AKAP11: variants seen among roughly 807,000 people sequenced by gnomAD.
AKAP11 encodes the protein A-kinase anchoring protein 11.
A neutral mutation model predicts 146.1 loss-of-function variants in AKAP11; 36 were observed. That is an observed-to-expected ratio of 0.25 (90% CI 0.19 to 0.33). The LOEUF is 0.33. Among genes scored for constraint, AKAP11 ranks in the 10% least tolerant of loss-of-function variants. AKAP11 has a pLI of 1.00. For missense variants in AKAP11, 2,201 were observed against 2,197.0 expected (o/e 1.00, Z -0.04); for synonymous variants, 780 against 786.5 (o/e 0.99, Z 0.14).
chr13:42,279,262 C>CT (rs1210347367), intron 1 of AKAP11, among the ~76,000 whole-genome samples: 1 of 114,346 alleles, frequency 8.7e-6, no homozygotes, highest in African/African-American at 3.3e-5. Flanking sequence ...CACGTGCACA[C>CT]CCACACACAC....
At chr13:42,278,994 C>T (rs1203390485) in intron 1 of AKAP11, among the ~76,000 whole-genome samples, 4 of 150,256 alleles carry the variant, frequency 2.7e-5, no homozygotes, top group Non-Finnish European at 1.5e-5. Flanking sequence ...TTTTCCGGTT[C>T]ATATAGATGT....
chr13:42,299,340 A>G, intron 7 of AKAP11, 23 bp from the exon 8 acceptor site: 3 of 1,560,712 alleles, frequency 1.9e-6, no homozygotes, highest in Non-Finnish European at 2.6e-6. Flanking sequence ...AAATAATTTC[A>G]CCATTTCATT....
chr13:42,289,824 G>A (rs528519451), intron 3 of AKAP11, among the ~76,000 whole-genome samples: 5 of 151,614 alleles, frequency 3.3e-5, no homozygotes, highest in East Asian at 3.9e-4. Context: ...GAAAATCCCC[G>A]TTTATTAAGG....
chr13:42,313,796 T>C, intron 10 of AKAP11, 98 bp from the exon 11 acceptor site: 1 of 998,094 alleles, frequency 1.0e-6, no homozygotes, highest in Admixed American at 2.1e-5. Flanking sequence ...ATATGTCATA[T>C]TGTAACATTC....
At position 42,282,003 on chromosome 13, in the gene AKAP11, CTG is replaced by C. The variant is rs1234527683; in HGVS notation, c.-99-3980_-99-3979del. On this transcript the variant is annotated intron_variant, in intron 1 of 12. Coordinates refer to ENST00000025301, the MANE Select transcript of AKAP11 (RefSeq NM_016248.4). ...TTCTTTTTTTTTTTTTTTTGAGACTCTGTGGCCCAGGTTGGAGTGCAGTGGTA... is the reference window on the plus strand; with the variant it reads ...TTCTTTTTTTTTTTTTTTTGAGACTCTGGCCCAGGTTGGAGTGCAGTGGTA... Among the ~76,000 whole-genome samples, 10 of 142,892 alleles carry C rather than the reference CTG, an allele frequency of 7.0e-5. No homozygotes were observed. The East Asian group carries it at 1.4e-3, about 20-fold the overall frequency. 93.7% of individuals were successfully genotyped at this position (142,892 alleles called of 152,430 possible). A position where few individuals can be genotyped will look rare whatever the true frequency, so the allele number is the denominator to read the frequency against.
chr13:42,295,831 T>A, intron 5 of AKAP11, 89 bp downstream of exon 5: 1 of 1,229,748 alleles, frequency 8.1e-7, no homozygotes, highest in Non-Finnish European at 1.2e-6. Context: ...TCTGAGAAGG[T>A]TGCAAACCGC....
At position 42,302,993 on chromosome 13, in the gene AKAP11, A is replaced by C; in HGVS notation, c.4247A>C (p.Glu1416Ala). 2 of 1,613,738 alleles carry C rather than the reference A, an allele frequency of 1.2e-6. No individual in the cohort carries two copies. Among genetic ancestry groups the C allele is most frequent in the Non-Finnish European group, 1.7e-6 (2 of 1,180,000 alleles). ...NKELLMFSNK[E>A]HHQEADKKRQ... ...GAACTGTTAATGTTTTCAAACAAAG[A>C]GCACCACCAAGAAGCAGACAAAAAG... The change falls in exon 8 of 13, where the codon GAG (glutamate) becomes GCG (alanine). Residue 1416 changes from glutamate (E) to alanine (A), a missense_variant. This residue lies in a region of AKAP11 where 1,867 missense variants were observed against 1,833.5 expected (regional missense o/e 1.02). Transcript: ENST00000025301.
chr13:42,299,917 C>T lies in AKAP11; in HGVS notation c.1171C>T (p.His391Tyr). ...GTCATCGCAGAGGAAAGGGCACAAA[C>T]ATGGAAAGTCATGTATGAATCCTCA... ...GKSSQRKGHKHGKSCMNPQKF... is the reference protein window; with the variant it reads ...GKSSQRKGHKYGKSCMNPQKF... Residue 391 changes from histidine to tyrosine, a missense_variant, in exon 8 of 13, where the codon CAT becomes TAT. His to Tyr is a moderately conservative substitution (Grantham distance 83). Around this residue, in one of 3 missense-constraint regions of AKAP11, gnomAD observed 1,867 missense variants for 1,833.5 expected, o/e 1.02. Coordinates refer to ENST00000025301, the MANE Select transcript of AKAP11 (RefSeq NM_016248.4). 1 of 1,613,926 alleles carries T rather than the reference C, an allele frequency of 6.2e-7. No homozygotes were observed. The highest frequency in any genetic ancestry group is 8.5e-7 in the Non-Finnish European group (1 of 1,179,868).
chr13:42,285,003 AG>A (rs1813473828), intron 1 of AKAP11, among the ~76,000 whole-genome samples: 1 of 152,250 alleles, frequency 6.6e-6, no homozygotes, highest in East Asian at 1.9e-4. Flanking sequence ...AAATCTCTAA[AG>A]AAGTGTGTGT....
chr13:42,277,308 A>G (rs556990518), intron 1 of AKAP11, among the ~76,000 whole-genome samples: 1 of 152,226 alleles, frequency 6.6e-6, no homozygotes, highest in Non-Finnish European at 1.5e-5. Context: ...TATTATGAAA[A>G]TGTTAACTGT....
At chr13:42,309,253 ACCTC>A (rs555331194) in intron 9 of AKAP11, among the ~76,000 whole-genome samples, 234 of 152,312 alleles carry the variant, frequency 1.5e-3, no homozygotes, top group African/African-American at 5.3e-3. Context: ...TATAGTCTTA[ACCTC>A]TACCTAAAGG....
chr13:42,306,347 C>A (rs1960259680), intron 8 of AKAP11, among the ~76,000 whole-genome samples: 1 of 152,172 alleles, frequency 6.6e-6, no homozygotes, highest in Non-Finnish European at 1.5e-5. Flanking sequence ...CCCCTTTCCT[C>A]CCACCCTCAT....
Position 42,286,315 on chromosome 13 carries a change from ACT to A in AKAP11, c.-31_-30del, listed in dbSNP as rs1410934197. 1.4e-6 allele frequency: 2 copies of A among 1,467,898 alleles called. No homozygotes were observed. Among genetic ancestry groups the A allele is most frequent in the Admixed American group, 2.0e-5 (1 of 49,958 alleles). The allele number at this position is 1,467,898 out of a possible 1,614,324, so 90.9% of individuals were successfully genotyped here. ...TTTTCTTTAGGTGTTTTGTGGATTA[ACT>A]CTTCATTGATTATATACAACAAAAA... is the stretch of plus-strand genomic sequence containing the variant. On this transcript the variant is annotated 5_prime_UTR_variant, in exon 3 of 13. Coordinates refer to ENST00000025301, the MANE Select transcript of AKAP11 (RefSeq NM_016248.4).
In AKAP11 at chr13:42,288,183, C is replaced by T. The variant is rs190751417; in HGVS notation, c.51+1784C>T. On this transcript the variant is annotated intron_variant, in intron 3 of 12. Transcript: ENST00000025301. Reference sequence around the variant, plus strand: ...AGATATACTTGAATTCTTTAGATTTCACTTTAATTTGCATTAAATATAGAG... The same window carrying T: ...AGATATACTTGAATTCTTTAGATTTTACTTTAATTTGCATTAAATATAGAG... 2.7e-3 allele frequency among the ~76,000 whole-genome samples: 411 copies of T among 152,294 alleles called. 2 individuals are homozygous for T. Among genetic ancestry groups the T allele is most frequent in the Middle Eastern group, 0.01 (3 of 294 alleles).
intron 3 of AKAP11, among the ~76,000 whole-genome samples, chr13:42,289,701 C>T (rs1959191586): frequency 6.6e-6 from 1 of 152,018 alleles, no homozygotes; most frequent in African/African-American, 2.4e-5. Context: ...AACCCAAGAT[C>T]TGGATACTAG....
chr13:42,300,841 C>A lies in AKAP11; in HGVS notation c.2095C>A (p.Gln699Lys). ...AAAAGATTTGTCTGAATCTGTAATA[C>A]AGGAAGCATTCATTGAGCTATCACA... ...YAKDLSESVI[Q>K]EAFIELSQVD... is the part of the protein sequence containing the mutation. The change falls in exon 8 of 13, where the codon CAG becomes AAG. Residue 699 changes from glutamine (Q) to lysine (K), a missense_variant. Transcript: ENST00000025301. The A allele has an allele frequency of 6.2e-7, 1 of 1,614,062 alleles. No homozygotes were observed. Among genetic ancestry groups the A allele is most frequent in the South Asian group, 1.1e-5 (1 of 91,070 alleles).
upstream of AKAP11, among the ~76,000 whole-genome samples, chr13:42,271,605 C>T (rs1958769042): frequency 1.3e-5 from 2 of 152,316 alleles, no homozygotes; most frequent in African/African-American, 4.8e-5. Flanking sequence ...AGAAGGAGCC[C>T]AGCTGGCCCC....
chr13:42,306,497 C>T (rs957951416), intron 8 of AKAP11, among the ~76,000 whole-genome samples: 1 of 152,164 alleles, frequency 6.6e-6, no homozygotes, highest in African/African-American at 2.4e-5. Context: ...AAAGTTCTTC[C>T]TGTAAGCCAG....
chr13:42,304,799 G>T (rs925562021), intron 8 of AKAP11, among the ~76,000 whole-genome samples: 2 of 150,260 alleles, frequency 1.3e-5, no homozygotes, highest in Non-Finnish European at 3.0e-5. Context: ...TGCCCAGGCT[G>T]GAGTGCAGTG....
Sources: allele counts gnomAD v4.1 joint callset (sites outside exome capture counted in the v4.1 genomes callset), GRCh38; gene constraint gnomAD v4.1.1; regional missense constraint gnomAD v4.1.1; transcripts MANE v1.5; gene names NCBI Gene and HGNC (gene_info 2026-07-23, HGNC 2026-07-21).